The following ARHGAP39 variants were observed in gnomAD, a reference collection of about 807,000 sequenced individuals.
The protein encoded by ARHGAP39 is rho GTPase-activating protein 39.
Under a neutral mutation model 106.9 loss-of-function variants are expected in ARHGAP39, and 44 were observed. The ratio of observed to expected loss-of-function variants is 0.41; its 90% CI spans 0.32 to 0.53. The LOEUF is 0.53. Among genes scored for constraint, ARHGAP39 ranks in the 20% least tolerant of loss-of-function variants. The probability of loss-of-function intolerance (pLI) is 0.21; values close to 1 mark genes in which losing one functional copy is unlikely to be tolerated. For missense variants in ARHGAP39, 1,496 were observed against 1,577.3 expected (o/e 0.95, Z 0.87); for synonymous variants, 768 against 693.2 (o/e 1.11, Z -1.69).
chr8:144,607,200 C>G (rs1449490651), intron 1 of ARHGAP39, among the ~76,000 whole-genome samples: 1 of 145,390 alleles, frequency 6.9e-6, no homozygotes, highest in Admixed American at 7.0e-5. Flanking sequence ...CCCGCCACTG[C>G]GCTCCAGCCT....
At position 144,570,499 on chromosome 8, in the gene ARHGAP39, G is replaced by C. The variant is rs146808961; in HGVS notation, c.512+10347C>G. Among the ~76,000 whole-genome samples, 195 of 152,350 alleles carry C rather than the reference G, an allele frequency of 1.3e-3. 1 individual carries two copies. The highest frequency in any genetic ancestry group is 6.8e-3 in the Middle Eastern group (2 of 294). ...AAGTTGACTTCAAGGCAAGAAGACT[G>C]TGAGGGGTAAAGAGGATTAGACGCA... On this transcript the variant is annotated intron_variant, in intron 3 of 11. Transcript: ENST00000377307.
At chr8:144,675,836 G>C (rs1234761732) in intron 1 of ARHGAP39, among the ~76,000 whole-genome samples, 1 of 152,108 alleles carries the variant, frequency 6.6e-6, no homozygotes, top group East Asian at 1.9e-4. Context: ...TAAAGGCAGT[G>C]CATCTGGAGT....
intron 1 of ARHGAP39, among the ~76,000 whole-genome samples, chr8:144,619,866 G>A (rs1037894731): frequency 2.7e-5 from 4 of 149,170 alleles, no homozygotes; most frequent in African/African-American, 7.4e-5. Flanking sequence ...GTCCGAGAGA[G>A]CGTGAGCCCG....
intron 3 of ARHGAP39, among the ~76,000 whole-genome samples, chr8:144,580,146 G>C (rs1818916930): frequency 6.6e-6 from 1 of 152,030 alleles, no homozygotes; most frequent in African/African-American, 2.4e-5. Flanking sequence ...CCCTGTTTCT[G>C]AGGGCAGGGG....
intron 2 of ARHGAP39, among the ~76,000 whole-genome samples, chr8:144,599,646 A>C (rs1366532671): frequency 2.0e-5 from 3 of 152,162 alleles, no homozygotes; most frequent in East Asian, 3.9e-4. Flanking sequence ...TATATCAGGA[A>C]GAATAAAAAG....
chr8:144,651,463 G>T (rs1358175734), intron 1 of ARHGAP39, among the ~76,000 whole-genome samples: 7 of 152,188 alleles, frequency 4.6e-5, no homozygotes, highest in African/African-American at 1.7e-4. Context: ...AGCATGTTGG[G>T]AGGCTGAGGT....
rs772300953 is a variant in ARHGAP39, at chr8:144,533,278, G to T, written c.2736C>A (p.Ala912=). 1 of 1,613,120 alleles carries T rather than the reference G, an allele frequency of 6.2e-7. No homozygotes were observed. Among genetic ancestry groups the T allele is most frequent in the Admixed American group, 1.7e-5 (1 of 60,018 alleles). The change falls in exon 9 of 12, where the codon GCC becomes GCA. Residue 912 remains alanine (A), a synonymous_variant. Coordinates refer to ENST00000377307, the MANE Select transcript of ARHGAP39 (RefSeq NM_025251.3). ...TGCCGAACATGGACGGGCTGAACAC[G>T]GCGTTCTTGGCATGCCGGATCTCCT... ...NVEEIRHAKN[A]VFSPSMFGSA...
At chr8:144,694,256 C>T in the ARHGAP39 span, among the ~76,000 whole-genome samples, 2,545 of 152,216 alleles carry the variant, frequency 0.017, 73 homozygotes, top group African/African-American at 0.058. Context: ...AGAGCTGGAG[C>T]CAAAAGGAGG....
intron 2 of ARHGAP39, among the ~76,000 whole-genome samples, chr8:144,582,267 T>G (rs968840111): frequency 6.6e-6 from 1 of 152,136 alleles, no homozygotes; most frequent in African/African-American, 2.4e-5. Flanking sequence ...GCAGACTGGC[T>G]GCGGGGGCGA....
In ARHGAP39 at chr8:144,547,875, G is replaced by A. The variant is rs780084030; in HGVS notation, c.1211C>T (p.Ala404Val). ...YVRQLVYVEQ[A>V]GSSPKLRAGP... Reference sequence around the variant, plus strand: ...GGCGCGCAGCTTGGGGCTGGAGCCCGCCTGCTCCACGTAGACCAGCTGCCG... The same window carrying A: ...GGCGCGCAGCTTGGGGCTGGAGCCCACCTGCTCCACGTAGACCAGCTGCCG... Residue 404 changes from alanine to valine, a missense_variant, in exon 5 of 12, where the codon GCG becomes GTG. By Grantham distance (64) the Ala-to-Val change is moderately conservative. Around this residue, in one of 4 missense-constraint regions of ARHGAP39, gnomAD observed 905 missense variants for 816.4 expected, o/e 1.11. Coordinates refer to ENST00000377307, the MANE Select transcript of ARHGAP39 (RefSeq NM_025251.3). This position sits in a 1 kb window ranked among gnomAD's most constrained non-coding sequence, Gnocchi z 5.2. The A allele has an allele frequency of 2.1e-5, 33 of 1,584,228 alleles. No individual in the cohort carries two copies. Among genetic ancestry groups the A allele is most frequent in the Non-Finnish European group, 2.7e-5 (31 of 1,165,970 alleles).
In ARHGAP39 at chr8:144,585,714, C is replaced by T. The variant is rs1209289608; in HGVS notation, c.81-4437G>A. On this transcript the variant is annotated intron_variant, in intron 2 of 11. Transcript: ENST00000377307. The surrounding 1 kb of genome is among the most constrained non-coding windows in gnomAD (Gnocchi z 4.6). ...GCCACGCGCTGCAGCCTGGGCCTCC[C>T]GAGGATGTCGCTGGTTGTGGCAGTC... 2.0e-5 allele frequency among the ~76,000 whole-genome samples: 3 copies of T among 152,316 alleles called. No individual in the cohort carries two copies. The highest frequency in any genetic ancestry group is 6.5e-5 in the Admixed American group (1 of 15,304).
chr8:144,668,124 T>C (rs1225739674), intron 1 of ARHGAP39, among the ~76,000 whole-genome samples: 2 of 152,152 alleles, frequency 1.3e-5, no homozygotes, highest in Non-Finnish European at 2.9e-5. Context: ...TATATATATT[T>C]GTTTCCTCCC....
chr8:144,661,954 G>A (rs956687127), intron 1 of ARHGAP39, among the ~76,000 whole-genome samples: 5 of 107,448 alleles, frequency 4.7e-5, no homozygotes, highest in Admixed American at 1.4e-4. Context: ...CCTCTTCCCC[G>A]TTATCCACTT....
intron 1 of ARHGAP39, among the ~76,000 whole-genome samples, chr8:144,676,870 G>A (rs1021404950): frequency 6.6e-5 from 10 of 152,270 alleles, no homozygotes; most frequent in South Asian, 2.1e-4. Context: ...AGCGGACGCC[G>A]AGGAGGCGCC....
chr8:144,533,131 G>A lies in ARHGAP39; in HGVS notation c.2883C>T (p.Ile961=), dbSNP rs1305293508. The A allele has an allele frequency of 1.3e-5, 20 of 1,598,750 alleles. No individual in the cohort carries two copies. The highest frequency in any genetic ancestry group is 4.0e-5 in the African/African-American group (3 of 74,906). ...GCCCGGGGTTGCCGTGGCACCTGAA[G>A]ATGCCCTCTGTCTGGTCACCGTTGA... The part of the protein sequence containing the change: ...LALNGDQTEG[I]FRVPGDIDEV... Residue 961 remains isoleucine (I), a synonymous_variant, in exon 9 of 12, where the codon ATC becomes ATT. Transcript: ENST00000377307.
intron 3 of ARHGAP39, among the ~76,000 whole-genome samples, chr8:144,567,652 C>G (rs1818447737): frequency 6.6e-6 from 1 of 152,232 alleles, no homozygotes; most frequent in South Asian, 2.1e-4. Flanking sequence ...CATGTTCCAT[C>G]CTGTACACCT....
chr8:144,696,205 C>A, the ARHGAP39 span, among the ~76,000 whole-genome samples: 1 of 152,166 alleles, frequency 6.6e-6, no homozygotes, highest in Admixed American at 6.5e-5. Flanking sequence ...GTGGCACAAT[C>A]TCAGCTGACT....
intron 1 of ARHGAP39, among the ~76,000 whole-genome samples, chr8:144,638,429 C>G (rs1821230638): frequency 6.6e-6 from 1 of 152,244 alleles, no homozygotes; most frequent in Non-Finnish European, 1.5e-5. Context: ...GCCAACGGCT[C>G]TTCAAATACT....
intron 5 of ARHGAP39, among the ~76,000 whole-genome samples, chr8:144,546,536 A>G (rs1356832851): frequency 6.6e-6 from 1 of 152,112 alleles, no homozygotes; most frequent in Non-Finnish European, 1.5e-5. Flanking sequence ...CTGTGAGAAC[A>G]AGGAGGTGAG....
Sources: allele counts gnomAD v4.1 joint callset (sites outside exome capture counted in the v4.1 genomes callset), GRCh38; gene constraint gnomAD v4.1.1; regional missense constraint gnomAD v4.1.1; non-coding constraint Gnocchi (gnomAD v3.1); transcripts MANE v1.5; gene names NCBI Gene and HGNC (gene_info 2026-07-23, HGNC 2026-07-21).